PDGFRL: variants seen among roughly 807,000 people sequenced by gnomAD.
The protein encoded by PDGFRL is platelet derived growth factor receptor like.
PDGFRL carries 46 observed loss-of-function variants against 37.2 expected under a neutral mutation model. The observed-to-expected ratio is 1.24, with a 90% CI of 0.98 to 1.58. PDGFRL has a LOEUF of 1.58. Among genes scored for constraint, PDGFRL ranks in the 40% most tolerant of loss-of-function variants. The probability of loss-of-function intolerance (pLI) is 0.00; values close to 1 mark genes in which losing one functional copy is unlikely to be tolerated. For synonymous variants in PDGFRL, 251 were observed against 184.3 expected (o/e 1.36, Z -2.93); for missense variants, 692 against 467.6 (o/e 1.48, Z -4.43).
intron 2 of PDGFRL, among the ~76,000 whole-genome samples, chr8:17,600,114 T>C (rs779253154): frequency 8.5e-5 from 13 of 152,174 alleles, no homozygotes; most frequent in Non-Finnish European, 1.5e-4. Flanking sequence ...GTATTCACTT[T>C]TTTTCTTTTT....
intron 5 of PDGFRL, among the ~76,000 whole-genome samples, chr8:17,636,254 A>AT (rs1476028221): frequency 2.0e-5 from 3 of 152,190 alleles, no homozygotes; most frequent in Non-Finnish European, 4.4e-5. Flanking sequence ...CAGGTCTTAG[A>AT]TTTAAGTATT....
chr8:17,615,800 T>C (rs1804511058), intron 2 of PDGFRL, among the ~76,000 whole-genome samples: 1 of 152,190 alleles, frequency 6.6e-6, no homozygotes, highest in Non-Finnish European at 1.5e-5. Context: ...TGCCAGCTAC[T>C]CAGGAGGCCA....
At chr8:17,611,042 A>G (rs960886720) in intron 2 of PDGFRL, among the ~76,000 whole-genome samples, 11 of 152,232 alleles carry the variant, frequency 7.2e-5, no homozygotes, top group Admixed American at 2.6e-4. Context: ...TTACTTACGT[A>G]TTTAAAACAG....
intron 1 of PDGFRL, among the ~76,000 whole-genome samples, chr8:17,584,824 C>T (rs553358496): frequency 6.6e-6 from 1 of 151,420 alleles, no homozygotes; most frequent in African/African-American, 2.4e-5. Context: ...AGAAAGAATT[C>T]GGAGTGAGTC....
intron 1 of PDGFRL, among the ~76,000 whole-genome samples, chr8:17,577,709 G>A (rs1199625331): frequency 6.6e-6 from 1 of 151,670 alleles, no homozygotes; most frequent in African/African-American, 2.4e-5. Context: ...TGCTGAGAGC[G>A]AGTGCCACCT....
chr8:17,600,814 A>C (rs1379548252), intron 2 of PDGFRL, among the ~76,000 whole-genome samples: 2 of 138,238 alleles, frequency 1.4e-5, no homozygotes, highest in Admixed American at 6.9e-5. Flanking sequence ...AAAAAAAAAA[A>C]CAAAAAAACC....
chr8:17,595,361 C>G (rs1486841901), intron 2 of PDGFRL, among the ~76,000 whole-genome samples: 2 of 152,146 alleles, frequency 1.3e-5, no homozygotes, highest in African/African-American at 4.8e-5. Flanking sequence ...GCAGGCCCAG[C>G]TCATATCCCT....
In PDGFRL at chr8:17,596,411, A is replaced by G. The variant is rs921085980; in HGVS notation, c.353+6646A>G. On this transcript the variant is annotated intron_variant, in intron 2 of 5. Transcript: ENST00000251630. ...ACGTACATTTTAAACGACCTTATTCACCAAAGTCAGATTCATGCACTTTTT... is the reference window on the plus strand; with the variant it reads ...ACGTACATTTTAAACGACCTTATTCGCCAAAGTCAGATTCATGCACTTTTT... The G allele has an allele frequency of 5.9e-5, 44 of 743,962 alleles. 1 individual carries two copies. Among genetic ancestry groups the G allele is most frequent in the Non-Finnish European group, 7.6e-5 (41 of 542,884 alleles). The allele number at this position is 743,962 out of a possible 1,614,324, so 46.1% of individuals were successfully genotyped here.
At chr8:17,606,174 G>A (rs1240862311) in intron 2 of PDGFRL, among the ~76,000 whole-genome samples, 2 of 19,820 alleles carry the variant, frequency 1.0e-4, no homozygotes, top group African/African-American at 1.9e-4. Flanking sequence ...GTTATGCTGA[G>A]TAAGGTATTT....
chr8:17,577,172 G>GC, upstream of PDGFRL: 1 of 1,475,170 alleles, frequency 6.8e-7, no homozygotes, highest in Non-Finnish European at 9.1e-7. Context: ...CCAGGAGCCC[G>GC]CCCCTCGCCC....
chr8:17,608,938 G>T (rs574318077), intron 2 of PDGFRL, among the ~76,000 whole-genome samples: 1 of 152,194 alleles, frequency 6.6e-6, no homozygotes, highest in Non-Finnish European at 1.5e-5. Context: ...CCAAGGAGGG[G>T]CCAGGCAAGG....
At chr8:17,615,842 G>A (rs562144462) in intron 2 of PDGFRL, among the ~76,000 whole-genome samples, 5 of 152,238 alleles carry the variant, frequency 3.3e-5, no homozygotes, top group Non-Finnish European at 7.3e-5. Flanking sequence ...CTAGGAGTTT[G>A]AGGCTGTAGT....
rs533957484 is a variant in PDGFRL, at chr8:17,598,352, G to T, written c.353+8587G>T. On this transcript the variant is annotated intron_variant, in intron 2 of 5. Transcript: ENST00000251630. ...ATTACTTCTTTATAATCTGGGATCT[G>T]TGTCCTTCTTCCCTCCTGAAAGAAT... 1.1e-4 allele frequency among the ~76,000 whole-genome samples: 16 copies of T among 152,266 alleles called. No individual in the cohort carries two copies. In the South Asian group the frequency reaches 3.1e-3, roughly 30 times the overall value.
chr8:17,624,046 T>C (rs900576064), intron 3 of PDGFRL, among the ~76,000 whole-genome samples: 5 of 152,154 alleles, frequency 3.3e-5, no homozygotes, highest in Admixed American at 6.5e-5. Flanking sequence ...TAATGTGTTA[T>C]ACATCATTTA....
At chr8:17,605,774 T>C (rs866190069) in intron 2 of PDGFRL, among the ~76,000 whole-genome samples, 4 of 152,220 alleles carry the variant, frequency 2.6e-5, no homozygotes, top group African/African-American at 9.6e-5. Flanking sequence ...TCAGGATGTT[T>C]TTCTGGTATC....
chr8:17,626,316 G>A (rs1804733220), intron 3 of PDGFRL, among the ~76,000 whole-genome samples: 1 of 152,186 alleles, frequency 6.6e-6, no homozygotes, highest in Admixed American at 6.5e-5. Flanking sequence ...CCTTACCTAA[G>A]CCTGAAAGCC....
intron 2 of PDGFRL, among the ~76,000 whole-genome samples, chr8:17,618,119 G>A (rs1159832662): frequency 6.6e-6 from 1 of 152,004 alleles, no homozygotes; most frequent in African/African-American, 2.4e-5. Context: ...GTACAGTGGT[G>A]GGAATCATAG....
At chr8:17,580,415 T>C (rs967573705) in intron 1 of PDGFRL, among the ~76,000 whole-genome samples, 2 of 152,184 alleles carry the variant, frequency 1.3e-5, no homozygotes, top group Non-Finnish European at 2.9e-5. Context: ...ACATAATGAA[T>C]GCTTTGAAGC....
At chr8:17,583,049 G>A (rs1424664822) in intron 1 of PDGFRL, among the ~76,000 whole-genome samples, 1 of 152,154 alleles carries the variant, frequency 6.6e-6, no homozygotes, top group Admixed American at 6.5e-5. Flanking sequence ...TTGCTCCAGA[G>A]GGCACAAGTT....
Sources: gnomAD v4.1 joint callset for allele counts (sites outside exome capture counted in the v4.1 genomes callset) on GRCh38, gnomAD v4.1.1 for gene constraint, MANE v1.5 for transcripts, NCBI Gene and HGNC (gene_info 2026-07-23, HGNC 2026-07-21) for gene names.